MBD5: variants seen among roughly 807,000 people sequenced by gnomAD.
The protein encoded by MBD5 is methyl-CpG-binding domain protein 5.
A neutral mutation model predicts 117.3 loss-of-function variants in MBD5; 13 were observed. The ratio of observed to expected loss-of-function variants is 0.11; its 90% CI spans 0.07 to 0.18. MBD5 has a LOEUF of 0.18. Ranked by LOEUF, MBD5 falls within the 10% of genes least tolerant of loss-of-function variation. The pLI is 1.00. For missense variants in MBD5, 1,879 were observed against 2,093.8 expected, an observed-to-expected ratio of 0.90 and a Z score of 2.00; for synonymous variants, 727 against 766.4, an observed-to-expected ratio of 0.95 and a Z score of 0.85.
rs552160754 is a variant in MBD5, at chr2:148,048,941, C to G, written c.-925+27257C>G. On this transcript the variant is annotated intron_variant, in intron 1 of 13. Transcript: ENST00000642680. ...CTAGTCCACTCTTCTTACATGAATTCTTGTGTACTCCCAGAAAGTACTGCA... is the reference window on the plus strand; with the variant it reads ...CTAGTCCACTCTTCTTACATGAATTGTTGTGTACTCCCAGAAAGTACTGCA... Among the ~76,000 whole-genome samples, 81 of 152,268 alleles carry G rather than the reference C, an allele frequency of 5.3e-4. 1 individual carries two copies. Among genetic ancestry groups the G allele is most frequent in the African/African-American group, 1.8e-3 (74 of 41,560 alleles).
chr2:148,281,947 C>T (rs1469510812), intron 3 of MBD5, among the ~76,000 whole-genome samples: 1 of 152,142 alleles, frequency 6.6e-6, no homozygotes, highest in Non-Finnish European at 1.5e-5. Flanking sequence ...ACCCTTGGTG[C>T]ATCTAACCGC....
chr2:148,113,274 T>C (rs1329520563), intron 1 of MBD5, among the ~76,000 whole-genome samples: 1 of 152,240 alleles, frequency 6.6e-6, no homozygotes, highest in Non-Finnish European at 1.5e-5. Context: ...TAGTGATCAA[T>C]GCTTCCTTTT....
chr2:148,481,666 A>C (rs999667679), intron 8 of MBD5: 2 of 152,162 alleles, frequency 1.3e-5, no homozygotes, highest in African/African-American at 4.8e-5. Flanking sequence ...TTTTCAATAG[A>C]TGTGGTTTTC....
chr2:148,277,990 C>G (rs575956716), intron 3 of MBD5, among the ~76,000 whole-genome samples: 1 of 152,242 alleles, frequency 6.6e-6, no homozygotes, highest in South Asian at 2.1e-4. Context: ...CCACCATAGT[C>G]AAGATACAGA....
intron 4 of MBD5, among the ~76,000 whole-genome samples, chr2:148,343,386 C>A (rs1438416508): frequency 6.6e-6 from 1 of 152,012 alleles, no homozygotes; most frequent in Non-Finnish European, 1.5e-5. Context: ...TTTACATTCC[C>A]GCCAACAGTA....
rs1375348641 is a variant in MBD5, at chr2:148,190,873, A to G, written c.-831+12080A>G. Among the ~76,000 whole-genome samples, 17 of 95,570 alleles carry G rather than the reference A, an allele frequency of 1.8e-4. No homozygotes were observed. In the East Asian group the frequency reaches 6.1e-3, roughly 34 times the overall value. The allele number at this position is 95,570 out of a possible 152,430, so 62.7% of individuals were successfully genotyped here. A position where few individuals can be genotyped will look rare whatever the true frequency, so the allele number is the denominator to read the frequency against. On this transcript the variant is annotated intron_variant, in intron 2 of 13. Coordinates refer to ENST00000642680, the MANE Select transcript of MBD5 (RefSeq NM_001378120.1). ...TATTCAGGAAACCCATCTCACGTGC[A>G]GAGACACACATAGGCTCAAAATAAA...
At chr2:148,151,480 T>C (rs889624434) in intron 1 of MBD5, among the ~76,000 whole-genome samples, 5 of 152,218 alleles carry the variant, frequency 3.3e-5, no homozygotes, top group Non-Finnish European at 7.3e-5. Context: ...GAGGATTCCC[T>C]CTTTTTCTAT....
intron 1 of MBD5, among the ~76,000 whole-genome samples, chr2:148,143,798 CT>C (rs1046636948): frequency 1.3e-5 from 2 of 152,152 alleles, no homozygotes; most frequent in African/African-American, 4.8e-5. Flanking sequence ...TTTTTTATGG[CT>C]GCATAGTGTT....
intron 4 of MBD5, among the ~76,000 whole-genome samples, chr2:148,360,022 T>G (rs768805161): frequency 6.6e-6 from 1 of 152,262 alleles, no homozygotes; most frequent in Non-Finnish European, 1.5e-5. Flanking sequence ...CATAACTGAA[T>G]AAATTCACTA....
intron 4 of MBD5, among the ~76,000 whole-genome samples, chr2:148,370,470 C>T (rs1470619261): frequency 4.0e-5 from 6 of 151,810 alleles, no homozygotes; most frequent in Admixed American, 1.3e-4. Flanking sequence ...AAAAATTGCA[C>T]GATAGCCTAT....
chr2:148,092,709 G>A (rs549683333), intron 1 of MBD5, among the ~76,000 whole-genome samples: 23 of 151,934 alleles, frequency 1.5e-4, no homozygotes, highest in Admixed American at 9.2e-4. Context: ...ATTGGGTACA[G>A]TATATACTGC....
chr2:148,480,871 A>T (rs1455362292), intron 8 of MBD5, among the ~76,000 whole-genome samples: 6 of 151,202 alleles, frequency 4.0e-5, no homozygotes, highest in Non-Finnish European at 8.9e-5. Context: ...CTGAAAACTT[A>T]AAAAAAAATA....
rs138760898 is a variant in MBD5 at position 148,445,971 on chromosome 2, G to T, written c.-556-12232G>T. 7.6e-4 allele frequency among the ~76,000 whole-genome samples: 114 copies of T among 150,764 alleles called. No individual in the cohort carries two copies. The East Asian group carries it at 0.022, about 29-fold the overall frequency. Reference sequence around the variant, plus strand: ...TCTGTTCATATCCTTCGCCCACGATGGGGTTGTTTGTTTTTTTTTCTTGTA... The same window carrying T: ...TCTGTTCATATCCTTCGCCCACGATTGGGTTGTTTGTTTTTTTTTCTTGTA... On this transcript the variant is annotated intron_variant, in intron 4 of 13. Coordinates refer to ENST00000642680, the MANE Select transcript of MBD5 (RefSeq NM_001378120.1).
chr2:148,459,443 A>G (rs1445121994), intron 5 of MBD5, among the ~76,000 whole-genome samples: 5 of 152,162 alleles, frequency 3.3e-5, no homozygotes, highest in African/African-American at 9.7e-5. Flanking sequence ...TTCAATGTCA[A>G]TGCTATACAT....
At chr2:148,165,983 T>G (rs1375184465) in intron 1 of MBD5, among the ~76,000 whole-genome samples, 1 of 152,198 alleles carries the variant, frequency 6.6e-6, no homozygotes, top group Non-Finnish European at 1.5e-5. Flanking sequence ...CTGGAAATAT[T>G]TAACATACTT....
At chr2:148,408,418 G>A (rs1705147014) in intron 4 of MBD5, among the ~76,000 whole-genome samples, 1 of 152,144 alleles carries the variant, frequency 6.6e-6, no homozygotes, top group African/African-American at 2.4e-5. Flanking sequence ...TTTCTTCAAT[G>A]TTAGCATCAA....
At chr2:148,484,175 G>T in intron 9 of MBD5, 40 bp downstream of exon 9, 7 of 1,383,824 alleles carry the variant, frequency 5.1e-6, no homozygotes, top group South Asian at 3.3e-5. Flanking sequence ...CAAAAGAAAC[G>T]TTTTTCTAAT....
chr2:148,330,225 C>G (rs141661048), intron 3 of MBD5, among the ~76,000 whole-genome samples: 88 of 152,108 alleles, frequency 5.8e-4, no homozygotes, highest in Non-Finnish European at 9.1e-4. Context: ...GCATTTTTAA[C>G]TCCAGTCTTG....
At chr2:148,379,404 C>T (rs1012469045) in intron 4 of MBD5, among the ~76,000 whole-genome samples, 5 of 151,804 alleles carry the variant, frequency 3.3e-5, no homozygotes, top group African/African-American at 7.3e-5. Flanking sequence ...AGATTGAATG[C>T]CCACCAAAAC....
Sources: allele counts gnomAD v4.1 joint callset (sites outside exome capture counted in the v4.1 genomes callset), GRCh38; gene constraint gnomAD v4.1.1; transcripts MANE v1.5; gene names NCBI Gene and HGNC (gene_info 2026-07-23, HGNC 2026-07-21).